Variants in ARHGEF10L observed in about 807,000 individuals in gnomAD.
ARHGEF10L encodes Rho guanine nucleotide exchange factor 10 like.
Under a neutral mutation model 141.2 loss-of-function variants are expected in ARHGEF10L, and 69 were observed. That is an observed-to-expected ratio of 0.49 (90% CI 0.40 to 0.60). ARHGEF10L has a LOEUF of 0.60. Among genes scored for constraint, ARHGEF10L ranks in the 20% least tolerant of loss-of-function variants. ARHGEF10L has a pLI of 0.00. For synonymous variants in ARHGEF10L, 711 were observed against 718.5 expected (o/e 0.99, Z 0.17); for missense variants, 1,482 against 1,734.3 (o/e 0.85, Z 2.58).
In ARHGEF10L at chr1:17,652,832, C is replaced by T. The variant is rs187916459; in HGVS notation, c.2395-1804C>T. Among the ~76,000 whole-genome samples the T allele has an allele frequency of 3.9e-5, 6 of 152,180 alleles. No homozygotes were observed. The East Asian group carries it at 1.2e-3, about 29-fold the overall frequency. On this transcript the variant is annotated intron_variant, in intron 22 of 28. Transcript: ENST00000361221. ...CTTTAAAACTCGAGCACCTTGGGAG[C>T]CTAAGGGGTGTAGCCCAGACCCACA...
chr1:17,591,429 C>G (rs1339284258), intron 4 of ARHGEF10L, among the ~76,000 whole-genome samples: 2 of 75,654 alleles, frequency 2.6e-5, no homozygotes, highest in African/African-American at 1.1e-4. Context: ...TTTTTTTTTT[C>G]TGAGACAGTT....
chr1:17,571,218 A>G (rs2077985098), intron 1 of ARHGEF10L, among the ~76,000 whole-genome samples: 1 of 152,058 alleles, frequency 6.6e-6, no homozygotes, highest in African/African-American at 2.4e-5. Flanking sequence ...GAGGAAGGGG[A>G]GCTGGAGCGA....
At chr1:17,560,010 A>G (rs955276631) in intron 1 of ARHGEF10L, among the ~76,000 whole-genome samples, 3 of 152,156 alleles carry the variant, frequency 2.0e-5, no homozygotes, top group Non-Finnish European at 4.4e-5. Flanking sequence ...GCAGGTAAAT[A>G]TTAACCCACA....
intron 1 of ARHGEF10L, among the ~76,000 whole-genome samples, chr1:17,557,601 G>C (rs550960411): frequency 6.6e-6 from 1 of 152,168 alleles, no homozygotes; most frequent in Non-Finnish European, 1.5e-5. Flanking sequence ...ATCTCGGCTG[G>C]GACCGCGGAA....
At chr1:17,592,684 C>T (rs1425685975) in intron 4 of ARHGEF10L, among the ~76,000 whole-genome samples, 2 of 152,154 alleles carry the variant, frequency 1.3e-5, no homozygotes, top group African/African-American at 4.8e-5. Context: ...AGTGGGTCCG[C>T]AGCGTCTGGA....
chr1:17,527,268 G>A, the ARHGEF10L span, among the ~76,000 whole-genome samples: 1 of 152,214 alleles, frequency 6.6e-6, no homozygotes, highest in Admixed American at 6.5e-5. Context: ...GCTGGCTGAC[G>A]CCGCTGATCA....
intron 26 of ARHGEF10L, among the ~76,000 whole-genome samples, chr1:17,672,155 C>G (rs950004499): frequency 1.3e-5 from 2 of 152,124 alleles, no homozygotes; most frequent in African/African-American, 4.8e-5. Context: ...TCTCTGGGCT[C>G]CTGAACACCA....
At chr1:17,667,083 G>A (rs1390516743) in intron 26 of ARHGEF10L, among the ~76,000 whole-genome samples, 2 of 152,182 alleles carry the variant, frequency 1.3e-5, no homozygotes, top group African/African-American at 2.4e-5. Flanking sequence ...CTCTGCAAGC[G>A]GTCTCCTGCA....
upstream of ARHGEF10L, among the ~76,000 whole-genome samples, chr1:17,537,919 A>G (rs1296335255): frequency 6.6e-6 from 1 of 151,816 alleles, no homozygotes; most frequent in Admixed American, 6.6e-5. Context: ...CTACCTGGCA[A>G]TATAGGCACT....
rs1034613836 is a variant in ARHGEF10L, at chr1:17,603,155, C to A, written c.350-353C>A. Among the ~76,000 whole-genome samples the A allele has an allele frequency of 2.0e-5, 3 of 151,912 alleles. No homozygotes were observed. The highest frequency in any genetic ancestry group is 7.3e-5 in the African/African-American group (3 of 41,326). The stretch of plus-strand genomic sequence containing the variant: ...AGTGACGAGGGTCTAGCCCCGGGGT[C>A]CTGGGTGACTGAGGATGCTAGGGCC... On this transcript the variant is annotated intron_variant, in intron 5 of 28. Transcript: ENST00000361221. The surrounding 1 kb of genome is among the most constrained non-coding windows in gnomAD (Gnocchi z 4.8).
In ARHGEF10L at chr1:17,541,244, G is replaced by A. The variant is rs80186866; in HGVS notation, c.-44+1294G>A. 2.2e-3 allele frequency among the ~76,000 whole-genome samples: 340 copies of A among 152,194 alleles called. 1 individual carries two copies. The highest frequency in any genetic ancestry group is 3.8e-3 in the Non-Finnish European group (257 of 68,002). Reference sequence around the variant, plus strand: ...CCTTCACCTCTTTCATTTCTCACTCGGGAGCTACTTCCTCTCCAGTGAGCC... The same window carrying A: ...CCTTCACCTCTTTCATTTCTCACTCAGGAGCTACTTCCTCTCCAGTGAGCC... On this transcript the variant is annotated intron_variant, in intron 1 of 28. Coordinates refer to ENST00000361221, the MANE Select transcript of ARHGEF10L (RefSeq NM_018125.4).
At chr1:17,664,724 C>T (rs1309545128) in intron 26 of ARHGEF10L, 129 bp downstream of exon 26, 2 of 1,251,562 alleles carry the variant, frequency 1.6e-6, no homozygotes, top group East Asian at 2.9e-5. Context: ...CAGAGTTTGT[C>T]CGGAAGCAGA....
intron 21 of ARHGEF10L, among the ~76,000 whole-genome samples, chr1:17,645,403 G>T (rs1188539491): frequency 6.6e-6 from 1 of 152,038 alleles, no homozygotes; most frequent in African/African-American, 2.4e-5. Context: ...TGAATAAATT[G>T]CCAGGACTTG....
Position 17,637,920 on chromosome 1 carries a change from C to A in ARHGEF10L, c.1960C>A (p.Gln654Lys). Residue 654 changes from glutamine to lysine, a missense_variant, in exon 19 of 29, where the codon CAG becomes AAG. Transcript: ENST00000361221. Reference protein sequence around the residue: ...KVYLGPPRLFQELQDLQKDLA... With the variant: ...KVYLGPPRLFKELQDLQKDLA... Reference sequence around the variant, plus strand: ...GTACCTCGGCCCCCCACGCCTCTTCCAGGAGCTGCAGGACCTGCAGAAGGA... The same window carrying A: ...GTACCTCGGCCCCCCACGCCTCTTCAAGGAGCTGCAGGACCTGCAGAAGGA... 6.3e-7 allele frequency: 1 copy of A among 1,599,590 alleles called. No individual in the cohort carries two copies. Among genetic ancestry groups the A allele is most frequent in the South Asian group, 1.1e-5 (1 of 88,042 alleles).
At chr1:17,554,790 C>T (rs2077245944) in intron 1 of ARHGEF10L, among the ~76,000 whole-genome samples, 2 of 151,922 alleles carry the variant, frequency 1.3e-5, no homozygotes, top group African/African-American at 4.8e-5. Context: ...GGGGTTTTGC[C>T]ACGTTGCCCA....
At chr1:17,695,347 C>T (rs865979163) in intron 28 of ARHGEF10L, 67 bp downstream of exon 28, 74 of 1,523,830 alleles carry the variant, frequency 4.9e-5, no homozygotes, top group Middle Eastern at 2.4e-4. Context: ...TGGGGCTTGG[C>T]GGGGAGGGTG....
chr1:17,649,289 G>T (rs567452570), intron 22 of ARHGEF10L, among the ~76,000 whole-genome samples: 74 of 152,350 alleles, frequency 4.9e-4, no homozygotes, highest in South Asian at 2.1e-3. Flanking sequence ...AACACCCAGG[G>T]TCTTAACCAT....
rs145170787 is a variant in ARHGEF10L at position 17,671,356 on chromosome 1, G to T, written c.3009+6761G>T. Among the ~76,000 whole-genome samples the T allele has an allele frequency of 1.8e-3, 267 of 152,316 alleles. 3 individuals carry two copies. The highest frequency in any genetic ancestry group is 5.0e-3 in the African/African-American group (206 of 41,558). On this transcript the variant is annotated intron_variant, in intron 26 of 28. Coordinates refer to ENST00000361221, the MANE Select transcript of ARHGEF10L (RefSeq NM_018125.4). ...CCCAAGAGAAGGGAGGGAGGAATTC[G>T]CAGAAGGGGCTTGTCCAGAGGGTCT...
chr1:17,584,560 C>G (rs1257498186), intron 2 of ARHGEF10L, among the ~76,000 whole-genome samples: 1 of 152,116 alleles, frequency 6.6e-6, no homozygotes, highest in Non-Finnish European at 1.5e-5. Flanking sequence ...TGACAACAGC[C>G]ATAGAGAAAG....
Sources: allele counts gnomAD v4.1 joint callset (sites outside exome capture counted in the v4.1 genomes callset), GRCh38; gene constraint gnomAD v4.1.1; non-coding constraint Gnocchi (gnomAD v3.1); transcripts MANE v1.5; gene names NCBI Gene and HGNC (gene_info 2026-07-23, HGNC 2026-07-21).